The following TMEM132D variants were observed in gnomAD, a reference collection of about 807,000 sequenced individuals.
TMEM132D encodes the protein mature OL transmembrane protein.
In TMEM132D, 21 loss-of-function variants were observed where a neutral mutation model predicts 62.3. That is an observed-to-expected ratio of 0.34 (90% CI 0.24 to 0.49). The LOEUF is 0.49. Ranked by LOEUF, TMEM132D falls within the 20% of genes least tolerant of loss-of-function variation. TMEM132D has a pLI of 0.99. For missense variants in TMEM132D, 1,346 were observed against 1,402.8 expected, an observed-to-expected ratio of 0.96 and a Z score of 0.65; for synonymous variants, 621 against 575.6, an observed-to-expected ratio of 1.08 and a Z score of -1.13.
intron 1 of TMEM132D, among the ~76,000 whole-genome samples, chr12:129,850,054 A>G (rs1360437820): frequency 6.6e-6 from 1 of 152,188 alleles, no homozygotes; most frequent in African/African-American, 2.4e-5. Flanking sequence ...GAATTCCCAT[A>G]TATTTGTGGA....
chr12:129,395,507 G>A (rs973789960), intron 3 of TMEM132D, among the ~76,000 whole-genome samples: 3 of 151,954 alleles, frequency 2.0e-5, no homozygotes, highest in South Asian at 2.1e-4. Context: ...GCACAAGGAC[G>A]TTCACTGCAA....
At chr12:129,842,097 A>ATTTTTTTTTTT (rs746315309) in intron 1 of TMEM132D, among the ~76,000 whole-genome samples, 235 of 97,314 alleles carry the variant, frequency 2.4e-3, no homozygotes, top group African/African-American at 3.1e-3. Flanking sequence ...CGCCCGGCTA[A>ATTTTTTTTTTT]TTTTTTTTTT....
chr12:129,650,669 C>T (rs569773942), intron 2 of TMEM132D, among the ~76,000 whole-genome samples: 1 of 152,228 alleles, frequency 6.6e-6, no homozygotes, highest in East Asian at 1.9e-4. Flanking sequence ...TGAAATGGTA[C>T]TTTGGCGTGA....
At chr12:129,669,534 A>C (rs1880452016) in intron 2 of TMEM132D, among the ~76,000 whole-genome samples, 1 of 151,994 alleles carries the variant, frequency 6.6e-6, no homozygotes, top group Non-Finnish European at 1.5e-5. Context: ...GTGAAACCCC[A>C]TCTCTACTAA....
chr12:129,820,544 G>A (rs1411895329), intron 1 of TMEM132D, among the ~76,000 whole-genome samples: 2 of 152,114 alleles, frequency 1.3e-5, no homozygotes, highest in Non-Finnish European at 2.9e-5. Flanking sequence ...CTAATCAGAG[G>A]TATACCAGAA....
chr12:129,678,427 G>T (rs528523234), intron 2 of TMEM132D, among the ~76,000 whole-genome samples: 2 of 152,108 alleles, frequency 1.3e-5, no homozygotes, highest in Non-Finnish European at 2.9e-5. Flanking sequence ...TTATATAGTT[G>T]TTGGCTATTT....
At chr12:129,114,385 A>ACTCCTTCCCTCCTTCC (rs1344113108) in intron 5 of TMEM132D, among the ~76,000 whole-genome samples, 5 of 140,202 alleles carry the variant, frequency 3.6e-5, no homozygotes, top group African/African-American at 1.3e-4. Flanking sequence ...ACAGTTGGAA[A>ACTCCTTCCCTCCTTCC]CTCCTTCCTT....
At chr12:129,727,106 T>G (rs1489803843) in intron 1 of TMEM132D, among the ~76,000 whole-genome samples, 1 of 152,258 alleles carries the variant, frequency 6.6e-6, no homozygotes, top group Non-Finnish European at 1.5e-5. Flanking sequence ...TAAAGTTCCA[T>G]TGTAGATTTT....
chr12:129,248,571 T>C (rs1156718060), intron 4 of TMEM132D, among the ~76,000 whole-genome samples: 3 of 152,104 alleles, frequency 2.0e-5, no homozygotes, highest in Non-Finnish European at 4.4e-5. Flanking sequence ...TTTTTTTAAC[T>C]TTTAAGTTCA....
chr12:129,379,235 G>A (rs1395588429), intron 3 of TMEM132D, among the ~76,000 whole-genome samples: 1 of 152,038 alleles, frequency 6.6e-6, no homozygotes, highest in Admixed American at 6.6e-5. Context: ...ATATATGGGT[G>A]GTTAAATTAC....
intron 1 of TMEM132D, among the ~76,000 whole-genome samples, chr12:129,832,886 C>T (rs1159035337): frequency 6.6e-6 from 1 of 152,150 alleles, no homozygotes; most frequent in Admixed American, 6.5e-5. Context: ...AGTTTCAACC[C>T]CTTCAATCCA....
intron 1 of TMEM132D, among the ~76,000 whole-genome samples, chr12:129,850,634 A>G (rs767576721): frequency 1.3e-5 from 2 of 152,192 alleles, no homozygotes; most frequent in African/African-American, 2.4e-5. Context: ...TATGTCTTCT[A>G]TAGGAATCAG....
At chr12:129,231,207 C>T (rs1365765614) in intron 4 of TMEM132D, among the ~76,000 whole-genome samples, 1 of 152,200 alleles carries the variant, frequency 6.6e-6, no homozygotes, top group African/African-American at 2.4e-5. Context: ...CCTGGCATGC[C>T]AGACTCAAAC....
At chr12:129,146,948 G>A (rs10847782) in intron 5 of TMEM132D, among the ~76,000 whole-genome samples, 37,962 of 151,916 alleles carry the variant, frequency 0.25, 4,886 homozygotes, top group Middle Eastern at 0.37. Flanking sequence ...CACGGTGAAC[G>A]CGTGGGCATT....
At chr12:129,180,297 C>T (rs1285939084) in intron 5 of TMEM132D, among the ~76,000 whole-genome samples, 1 of 152,276 alleles carries the variant, frequency 6.6e-6, no homozygotes, top group Non-Finnish European at 1.5e-5. Flanking sequence ...AATCAATCCA[C>T]TCACATGGTG....
Position 129,500,346 on chromosome 12 carries a change from T to C in TMEM132D, c.1115+30713A>G, listed in dbSNP as rs555623217. On this transcript the variant is annotated intron_variant, in intron 3 of 8. Transcript: ENST00000422113. ...CCATCAGTCAGTTACCTCCAACAAA[T>C]ACCCTGAGCGGGGAGGCAATTCACC... 2.6e-5 allele frequency among the ~76,000 whole-genome samples: 4 copies of C among 151,902 alleles called. No homozygotes were observed. In the East Asian group the frequency reaches 7.8e-4, roughly 30 times the overall value.
At chr12:129,680,562 A>T (rs1855627368) in intron 2 of TMEM132D, among the ~76,000 whole-genome samples, 1 of 152,164 alleles carries the variant, frequency 6.6e-6, no homozygotes, top group African/African-American at 2.4e-5. Context: ...TGACAAGCCC[A>T]GTGATTGTCT....
At chr12:129,676,874 TACTC>T (rs1325051073) in intron 2 of TMEM132D, among the ~76,000 whole-genome samples, 1 of 152,172 alleles carries the variant, frequency 6.6e-6, no homozygotes, top group Non-Finnish European at 1.5e-5. Context: ...TCCATCCATC[TACTC>T]ACTCACCCAC....
intron 2 of TMEM132D, among the ~76,000 whole-genome samples, chr12:129,675,394 G>C (rs1880603080): frequency 6.6e-6 from 1 of 152,006 alleles, no homozygotes; most frequent in African/African-American, 2.4e-5. Flanking sequence ...GCAAGGGGAG[G>C]GAGAGCATTA....
Sources: allele counts gnomAD v4.1 joint callset (sites outside exome capture counted in the v4.1 genomes callset), GRCh38; gene constraint gnomAD v4.1.1; transcripts MANE v1.5; gene names NCBI Gene and HGNC (gene_info 2026-07-23, HGNC 2026-07-21).